PCSK2: variants seen among roughly 807,000 people sequenced by gnomAD.
PCSK2 encodes proprotein convertase subtilisin/kexin type 2, also known as neuroendocrine convertase 2.
In PCSK2, 14 loss-of-function variants were observed where a neutral mutation model predicts 69.7. That is an observed-to-expected ratio of 0.20 (90% CI 0.13 to 0.31). PCSK2 has a LOEUF of 0.31. PCSK2 is among the 10% of genes least tolerant of loss of function. The probability of loss-of-function intolerance (pLI) is 1.00; values close to 1 mark genes in which losing one functional copy is unlikely to be tolerated. For synonymous variants in PCSK2, 307 were observed against 320.7 expected, an observed-to-expected ratio of 0.96 and a Z score of 0.46; for missense variants, 544 against 842.5, an observed-to-expected ratio of 0.65 and a Z score of 4.39.
intron 2 of PCSK2, among the ~76,000 whole-genome samples, chr20:17,317,832 A>G (rs1287341914): frequency 6.6e-6 from 1 of 152,244 alleles, no homozygotes; most frequent in Non-Finnish European, 1.5e-5. Flanking sequence ...GGAAAATAAC[A>G]AAGAAAATAA....
At chr20:17,391,491 G>A (rs1451251795) in intron 5 of PCSK2, among the ~76,000 whole-genome samples, 1 of 152,216 alleles carries the variant, frequency 6.6e-6, no homozygotes, top group Non-Finnish European at 1.5e-5. Flanking sequence ...ACAGTGTTGT[G>A]CCAATTACTG....
rs3076146 is a variant in PCSK2 at position 17,481,388 on chromosome 20, C to CAAAAAAAAAAAA, written c.1431-181_1431-170dup. Among the ~76,000 whole-genome samples the CAAAAAAAAAAAA allele has an allele frequency of 1.7e-4, 11 of 65,726 alleles. 1 individual carries two copies. The highest frequency in any genetic ancestry group is 8.3e-4 in the African/African-American group (11 of 13,184). The allele number at this position is 65,726 out of a possible 152,430, so 43.1% of individuals were successfully genotyped here. ...CAGAGTGGGACCCTGTCTCAAAAGA[C>CAAAAAAAAAAAA]AAAAAAAAAAAAAAAAAAAAAAAAA... On this transcript the variant is annotated intron_variant, in intron 11 of 11. Transcript: ENST00000262545.
intron 7 of PCSK2, among the ~76,000 whole-genome samples, chr20:17,431,998 G>C (rs1185570994): frequency 6.6e-6 from 1 of 152,120 alleles, no homozygotes; most frequent in Non-Finnish European, 1.5e-5. Flanking sequence ...TTACAGGTTA[G>C]GGGGGCGCCC....
At chr20:17,407,231 T>A (rs1041540008) in intron 5 of PCSK2, among the ~76,000 whole-genome samples, 2 of 152,206 alleles carry the variant, frequency 1.3e-5, no homozygotes, top group East Asian at 3.9e-4. Flanking sequence ...AGGTTGGACA[T>A]CCCAGCGTGC....
chr20:17,472,375 G>A (rs1049400603), intron 11 of PCSK2, among the ~76,000 whole-genome samples: 3 of 152,186 alleles, frequency 2.0e-5, no homozygotes, highest in African/African-American at 7.2e-5. Flanking sequence ...CAGCACTCCC[G>A]AGCTGCAGAG....
Position 17,303,532 on chromosome 20 carries a change from TATTATATATAATATG to T in PCSK2, c.282+43191_282+43205del, listed in dbSNP as rs1163685504. Among the ~76,000 whole-genome samples, 5 of 38,308 alleles carry T rather than the reference TATTATATATAATATG, an allele frequency of 1.3e-4. No individual in the cohort carries two copies. The East Asian group carries it at 8.0e-3, about 61-fold the overall frequency. 25.1% of individuals were successfully genotyped at this position (38,308 alleles called of 152,430 possible). A position where few individuals can be genotyped will look rare whatever the true frequency, so the allele number is the denominator to read the frequency against. ...ATTATATATAATATAATATATATTA[TATTATATATAATATG>T]ATATAATATATATTATATAATATAT... On this transcript the variant is annotated intron_variant, in intron 2 of 11. Coordinates refer to ENST00000262545, the MANE Select transcript of PCSK2 (RefSeq NM_002594.5).
chr20:17,294,259 C>G (rs566845505), intron 2 of PCSK2, among the ~76,000 whole-genome samples: 6 of 145,888 alleles, frequency 4.1e-5, no homozygotes, highest in African/African-American at 1.5e-4. Flanking sequence ...CGCCCGCCAC[C>G]GCGCCCGGCT....
intron 2 of PCSK2, among the ~76,000 whole-genome samples, chr20:17,277,812 C>T (rs1163969113): frequency 6.7e-5 from 10 of 149,708 alleles, no homozygotes; most frequent in African/African-American, 2.5e-4. Context: ...ATTTTTGCAA[C>T]CTACTCATCT....
chr20:17,483,995 T>C lies in PCSK2; in HGVS notation c.*1925T>C, dbSNP rs2033455154. 1 of 152,556 alleles carries C rather than the reference T, an allele frequency of 6.6e-6. No homozygotes were observed. Among genetic ancestry groups the C allele is most frequent in the South Asian group, 2.1e-4 (1 of 4,832 alleles). 9.5% of individuals were successfully genotyped at this position (152,556 alleles called of 1,614,324 possible). On this transcript the variant is annotated 3_prime_UTR_variant, in exon 12 of 12. Coordinates refer to ENST00000262545, the MANE Select transcript of PCSK2 (RefSeq NM_002594.5). The stretch of plus-strand genomic sequence containing the variant: ...TGTATATACACATATACCTATAATG[T>C]GTGTATGTGTATTTATTGAAGAAAC...
At chr20:17,456,049 G>T (rs1281823688) in intron 9 of PCSK2, among the ~76,000 whole-genome samples, 2 of 152,232 alleles carry the variant, frequency 1.3e-5, no homozygotes, top group East Asian at 3.9e-4. Context: ...AGACCAGCTT[G>T]GTCAACATGG....
At chr20:17,264,049 A>G (rs577297635) in intron 2 of PCSK2, among the ~76,000 whole-genome samples, 44 of 152,344 alleles carry the variant, frequency 2.9e-4, no homozygotes, top group African/African-American at 1.1e-3. Flanking sequence ...AAAACCTCAT[A>G]AATTCTACAA....
intron 2 of PCSK2, among the ~76,000 whole-genome samples, chr20:17,305,602 A>G (rs1217512578): frequency 6.6e-6 from 1 of 152,232 alleles, no homozygotes; most frequent in Non-Finnish European, 1.5e-5. Flanking sequence ...AATGGGTATA[A>G]TACTACATCT....
chr20:17,449,681 C>T (rs1453049714), intron 8 of PCSK2, among the ~76,000 whole-genome samples: 1 of 151,872 alleles, frequency 6.6e-6, no homozygotes, highest in Admixed American at 6.6e-5. Context: ...GCATGCACCA[C>T]CACGCTCAGC....
intron 1 of PCSK2, among the ~76,000 whole-genome samples, chr20:17,259,493 C>G (rs919548958): frequency 3.3e-5 from 5 of 152,140 alleles, no homozygotes; most frequent in African/African-American, 1.2e-4. Context: ...TGAGCCACAT[C>G]CAGGCCTCCA....
chr20:17,265,389 T>C (rs1987559959), intron 2 of PCSK2, among the ~76,000 whole-genome samples: 1 of 152,128 alleles, frequency 6.6e-6, no homozygotes, highest in Non-Finnish European at 1.5e-5. Context: ...TCTAAGAGGA[T>C]AAGGTCTGAG....
At chr20:17,394,123 C>T (rs952901529) in intron 5 of PCSK2, among the ~76,000 whole-genome samples, 1 of 152,120 alleles carries the variant, frequency 6.6e-6, no homozygotes, top group Non-Finnish European at 1.5e-5. Context: ...CATAGCAAGA[C>T]CCTGGATCTG....
intron 2 of PCSK2, among the ~76,000 whole-genome samples, chr20:17,321,272 G>C (rs1989858741): frequency 6.6e-6 from 1 of 152,126 alleles, no homozygotes; most frequent in Non-Finnish European, 1.5e-5. Flanking sequence ...TTCCTTATCT[G>C]TTAAAAGACA....
intron 5 of PCSK2, among the ~76,000 whole-genome samples, chr20:17,377,943 T>A (rs2030974574): frequency 6.6e-6 from 1 of 152,260 alleles, no homozygotes; most frequent in Non-Finnish European, 1.5e-5. Flanking sequence ...GGTCATTCTA[T>A]TATTTTTAAT....
chr20:17,246,262 C>T (rs553757198), intron 1 of PCSK2, among the ~76,000 whole-genome samples: 29 of 152,306 alleles, frequency 1.9e-4, no homozygotes, highest in Admixed American at 3.3e-4. Context: ...TCTTCTGCTC[C>T]CTACTACTGT....
Sources: gnomAD v4.1 joint callset for allele counts (sites outside exome capture counted in the v4.1 genomes callset) on GRCh38, gnomAD v4.1.1 for gene constraint, MANE v1.5 for transcripts, NCBI Gene and HGNC (gene_info 2026-07-23, HGNC 2026-07-21) for gene names.